PFKFB3: variants seen among roughly 807,000 people sequenced by gnomAD.
PFKFB3 encodes 6-phosphofructo-2-kinase/fructose-2,6-bisphosphatase 3.
Under a neutral mutation model 68.0 loss-of-function variants are expected in PFKFB3, and 33 were observed. That is an observed-to-expected ratio of 0.49 (90% CI 0.37 to 0.65). The LOEUF is 0.65. PFKFB3 is among the 30% of genes least tolerant of loss of function. The probability of loss-of-function intolerance (pLI) is 0.00; values close to 1 mark genes in which losing one functional copy is unlikely to be tolerated. For synonymous variants in PFKFB3, 315 were observed against 288.2 expected (o/e 1.09, Z -0.94); for missense variants, 586 against 712.2 (o/e 0.82, Z 2.02).
chr10:6,263,656 G>A, the PFKFB3 span, among the ~76,000 whole-genome samples: 2 of 152,214 alleles, frequency 1.3e-5, no homozygotes, highest in Non-Finnish European at 2.9e-5. Context: ...AAGTGTGGGT[G>A]TGGAGCTGAG....
At chr10:6,293,956 G>T in the PFKFB3 span, 1 of 501,532 alleles carries the variant, frequency 2.0e-6, no homozygotes, top group Non-Finnish European at 4.0e-6. Flanking sequence ...ATGGCTTCAC[G>T]AATTTTCCAT....
At position 6,210,498 on chromosome 10, in the gene PFKFB3, C is replaced by T. The variant is rs1470627313; in HGVS notation, c.77-3125C>T. ...GCCTCAGCCTCCCGAGTAGCTGGGACTACAGGCGCCCGCCAACATGGCCGG... is the reference window on the plus strand; with the variant it reads ...GCCTCAGCCTCCCGAGTAGCTGGGATTACAGGCGCCCGCCAACATGGCCGG... On this transcript the variant is annotated intron_variant, in intron 1 of 14. Transcript: ENST00000379775. 7.8e-5 allele frequency among the ~76,000 whole-genome samples: 9 copies of T among 115,414 alleles called. 3 individuals carry two copies. Among genetic ancestry groups the T allele is most frequent in the Admixed American group, 5.5e-4 (6 of 10,816 alleles). The allele number at this position is 115,414 out of a possible 152,430, so 75.7% of individuals were successfully genotyped here. A position where few individuals can be genotyped will look rare whatever the true frequency, so the allele number is the denominator to read the frequency against.
At chr10:6,307,598 C>T in the PFKFB3 span, among the ~76,000 whole-genome samples, 2 of 143,892 alleles carry the variant, frequency 1.4e-5, no homozygotes, top group South Asian at 2.4e-4. Context: ...CACCCTTTCT[C>T]CCTTTCCTTC....
At chr10:6,316,881 C>T in the PFKFB3 span, among the ~76,000 whole-genome samples, 8 of 152,178 alleles carry the variant, frequency 5.3e-5, no homozygotes, top group Non-Finnish European at 1.2e-4. Context: ...GCCAGGTCTG[C>T]ATCATGGTGT....
In PFKFB3 at chr10:6,229,231, A is replaced by G; in HGVS notation, c.1515+2866A>G. 2.1e-6 allele frequency: 1 copy of G among 485,620 alleles called. No homozygotes were observed. Among genetic ancestry groups the G allele is most frequent in the Non-Finnish European group, 4.3e-6 (1 of 234,496 alleles). 30.1% of individuals were successfully genotyped at this position (485,620 alleles called of 1,614,324 possible). On this transcript the variant is annotated intron_variant, in intron 14 of 14. Transcript: ENST00000379775. This position sits in a 1 kb window ranked among gnomAD's most constrained non-coding sequence, Gnocchi z 4.3. ...TGGCAAAGGGGTGAAGGGCCAGAGG[A>G]TGTACCAGTGTCCTCCATGTCCACG... is the stretch of plus-strand genomic sequence containing the variant.
Position 6,229,059 on chromosome 10 carries a change from C to T in PFKFB3, c.1515+2694C>T, listed in dbSNP as rs749210990. The T allele has an allele frequency of 4.5e-5, 23 of 511,102 alleles. No individual in the cohort carries two copies. In the Middle Eastern group the frequency reaches 3.2e-3, roughly 71 times the overall value. The allele number at this position is 511,102 out of a possible 1,614,324, so 31.7% of individuals were successfully genotyped here. A position where few individuals can be genotyped will look rare whatever the true frequency, so the allele number is the denominator to read the frequency against. On this transcript the variant is annotated intron_variant, in intron 14 of 14. Coordinates refer to ENST00000379775, the MANE Select transcript of PFKFB3 (RefSeq NM_004566.4). This position sits in a 1 kb window ranked among gnomAD's most constrained non-coding sequence, Gnocchi z 4.3. Reference sequence around the variant, plus strand: ...CCTTGCCCCCCCAAAAACACACCCGCCCCTTTATTTCCTGTTTGCTCCTTA... The same window carrying T: ...CCTTGCCCCCCCAAAAACACACCCGTCCCTTTATTTCCTGTTTGCTCCTTA...
chr10:6,226,411 G>C, intron 14 of PFKFB3, 46 bp downstream of exon 14: 1 of 1,552,314 alleles, frequency 6.4e-7, no homozygotes, highest in Non-Finnish European at 8.7e-7. Flanking sequence ...CGCATGCCGG[G>C]CGTGATGCCA....
intron 1 of PFKFB3, among the ~76,000 whole-genome samples, chr10:6,184,310 C>A (rs1842812112): frequency 6.6e-6 from 1 of 152,024 alleles, no homozygotes; most frequent in Non-Finnish European, 1.5e-5. Flanking sequence ...GCCTCAGCTC[C>A]ACAAAGTGCT....
chr10:6,269,196 C>T, the PFKFB3 span, among the ~76,000 whole-genome samples: 4 of 151,322 alleles, frequency 2.6e-5, no homozygotes, highest in Non-Finnish European at 5.9e-5. Flanking sequence ...ATTTTTACTT[C>T]CCTATATGCC....
intron 1 of PFKFB3, among the ~76,000 whole-genome samples, chr10:6,151,986 A>C (rs1841607760): frequency 6.6e-6 from 1 of 151,588 alleles, no homozygotes; most frequent in Non-Finnish European, 1.5e-5. Context: ...AAAAAAAAAA[A>C]ACCTGATGCC....
At position 6,177,908 on chromosome 10, in the gene PFKFB3, CTG is replaced by C. The variant is rs967677098; in HGVS notation, c.16+32896_16+32897del. Among the ~76,000 whole-genome samples, 9 of 152,070 alleles carry C rather than the reference CTG, an allele frequency of 5.9e-5. 1 individual carries two copies. The highest frequency in any genetic ancestry group is 5.2e-4 in the Admixed American group (8 of 15,252). On this transcript the variant is annotated intron_variant, in intron 1 of 14. Transcript: ENST00000379789. ...GCCTGGGGCACATGGGGTGGACACA[CTG>C]GGAGTGGATACCTGAGGTGGGCACG...
intron 1 of PFKFB3, among the ~76,000 whole-genome samples, chr10:6,152,985 G>C (rs1006205655): frequency 2.0e-5 from 3 of 152,088 alleles, no homozygotes; most frequent in Non-Finnish European, 2.9e-5. Flanking sequence ...TTCGAGACCA[G>C]CTTGATCAAC....
In PFKFB3 at chr10:6,249,479, T is replaced by A. The variant is rs182072477; in HGVS notation, c.1516-4699T>A. ...AACATATGAATGGATAAAGAAGATA[T>A]GGCATATATACAAAATGGGGTACTA... On this transcript the variant is annotated intron_variant, in intron 14 of 14. Coordinates refer to the PFKFB3 transcript ENST00000640683. 3.9e-4 allele frequency among the ~76,000 whole-genome samples: 59 copies of A among 152,292 alleles called. No homozygotes were observed. In the South Asian group the frequency reaches 4.8e-3, roughly 12 times the overall value.
At chr10:6,223,477 A>G (rs1845103800) in intron 11 of PFKFB3, among the ~76,000 whole-genome samples, 1 of 151,742 alleles carries the variant, frequency 6.6e-6, no homozygotes, top group Admixed American at 6.6e-5. Context: ...GTTTGATGGC[A>G]CTCTTTGGGC....
At chr10:6,237,087 A>AG (rs1846030759), downstream of PFKFB3, among the ~76,000 whole-genome samples, 1 of 152,168 alleles carries the variant, frequency 6.6e-6, no homozygotes, top group Non-Finnish European at 1.5e-5. Flanking sequence ...GGCCTTCGAG[A>AG]GTGCCGCTCC....
rs1845880020 is a variant in PFKFB3 at position 6,233,727 on chromosome 10, CT to C, written c.*788del. On this transcript the variant is annotated 3_prime_UTR_variant, in exon 15 of 15. Coordinates refer to ENST00000379775, the MANE Select transcript of PFKFB3 (RefSeq NM_004566.4). ...TGGACTTGGGGGGAACTGAGAAACA[CT>C]TTCCTGGAGCTGCTGGCTTTTGCAC... 6.5e-6 allele frequency: 1 copy of C among 152,936 alleles called. No homozygotes were observed. The highest frequency in any genetic ancestry group is 1.5e-5 in the Non-Finnish European group (1 of 68,116). 9.5% of individuals were successfully genotyped at this position (152,936 alleles called of 1,614,324 possible). A position where few individuals can be genotyped will look rare whatever the true frequency, so the allele number is the denominator to read the frequency against.
chr10:6,271,537 G>A, the PFKFB3 span, among the ~76,000 whole-genome samples: 1 of 152,220 alleles, frequency 6.6e-6, no homozygotes, highest in Non-Finnish European at 1.5e-5. Flanking sequence ...GTAGCACAGG[G>A]AGCTGATGAA....
At chr10:6,149,244 C>T (rs191834877) in intron 1 of PFKFB3, among the ~76,000 whole-genome samples, 29 of 152,228 alleles carry the variant, frequency 1.9e-4, no homozygotes, top group Admixed American at 1.1e-3. Context: ...GATTTTTGTA[C>T]GTTCCACCTT....
At chr10:6,298,957 T>G in the PFKFB3 span, among the ~76,000 whole-genome samples, 2 of 152,364 alleles carry the variant, frequency 1.3e-5, no homozygotes, top group East Asian at 3.9e-4. Flanking sequence ...CTGGTTCATC[T>G]CTGTTGGCTG....
Sources: allele counts gnomAD v4.1 joint callset (sites outside exome capture counted in the v4.1 genomes callset), GRCh38; gene constraint gnomAD v4.1.1; non-coding constraint Gnocchi (gnomAD v3.1); transcripts MANE v1.5; gene names NCBI Gene and HGNC (gene_info 2026-07-23, HGNC 2026-07-21).